The following WFDC1 variants were observed in gnomAD, a reference collection of about 807,000 sequenced individuals.
WFDC1 encodes the protein WAP four-disulfide core domain 1, also known as WAP four-disulfide core domain protein 1.
Under a neutral mutation model 32.9 loss-of-function variants are expected in WFDC1, and 39 were observed. The ratio of observed to expected loss-of-function variants is 1.19; its 90% CI spans 0.92 to 1.55. WFDC1 has a LOEUF of 1.55. WFDC1 is among the 40% of genes most tolerant of loss of function. The probability of loss-of-function intolerance (pLI) is 0.00; values close to 1 mark genes in which losing one functional copy is unlikely to be tolerated. For synonymous variants in WFDC1, 184 were observed against 137.4 expected, an observed-to-expected ratio of 1.34 and a Z score of -2.37; for missense variants, 386 against 309.5, an observed-to-expected ratio of 1.25 and a Z score of -1.85.
At chr16:84,306,098 C>G (rs1907240570) in intron 1 of WFDC1, among the ~76,000 whole-genome samples, 1 of 151,926 alleles carries the variant, frequency 6.6e-6, no homozygotes, top group African/African-American at 2.4e-5. Context: ...CGTGCTGAGC[C>G]GAGCACACGC....
At chr16:84,317,964 G>C (rs1342744699) in intron 2 of WFDC1, 3 of 300,376 alleles carry the variant, frequency 1.0e-5, no homozygotes, top group Non-Finnish European at 1.3e-5. Context: ...AAGGAAAAGA[G>C]GGAGGGAGAG....
intron 5 of WFDC1, among the ~76,000 whole-genome samples, chr16:84,325,327 C>G (rs139317223): frequency 1.6e-4 from 25 of 152,142 alleles, no homozygotes; most frequent in African/African-American, 5.1e-4. Flanking sequence ...GTCAGCCTCC[C>G]AAATAGCTGG....
chr16:84,328,882 G>A (rs1198444885), intron 6 of WFDC1: 1 of 152,088 alleles, frequency 6.6e-6, no homozygotes, highest in Non-Finnish European at 1.5e-5. Context: ...AGCCTAGGGA[G>A]GTTAAGGCTG....
chr16:84,321,468 G>A (rs187831767), intron 4 of WFDC1, among the ~76,000 whole-genome samples: 4 of 152,314 alleles, frequency 2.6e-5, no homozygotes, highest in Admixed American at 2.6e-4. Flanking sequence ...CGAGTTGTGA[G>A]TTCGTTGGGC....
At chr16:84,302,562 C>T (rs12927466) in intron 1 of WFDC1, among the ~76,000 whole-genome samples, 36,817 of 151,928 alleles carry the variant, frequency 0.24, 5,395 homozygotes, top group Non-Finnish European at 0.32. Flanking sequence ...CCATCTCCTC[C>T]GAGGCCTCTC....
intron 1 of WFDC1, among the ~76,000 whole-genome samples, chr16:84,297,641 A>AT (rs1555543157): frequency 2.3e-5 from 3 of 129,282 alleles, no homozygotes; most frequent in Non-Finnish European, 4.9e-5. Flanking sequence ...AAAAAAAAAA[A>AT]AAAAAACTGT....
chr16:84,313,059 G>T lies in WFDC1; in HGVS notation c.243G>T (p.Ala81=), dbSNP rs1383105507. 1.4e-6 allele frequency: 2 copies of T among 1,396,414 alleles called. No homozygotes were observed. Among genetic ancestry groups the T allele is most frequent in the African/African-American group, 1.5e-5 (1 of 66,022 alleles). The allele number at this position is 1,396,414 out of a possible 1,614,324, so 86.5% of individuals were successfully genotyped here. A position where few individuals can be genotyped will look rare whatever the true frequency, so the allele number is the denominator to read the frequency against. ...RTLPPGACQA[A]RCQADSECPR... ...TGCCCCCCGGCGCCTGCCAGGCCGC[G>T]CGCTGTCAGGCGGACTCCGAGTGCC... is the stretch of plus-strand genomic sequence containing the variant. The change falls in exon 2 of 7, where the codon GCG becomes GCT. Residue 81 remains alanine, a synonymous_variant. Coordinates refer to ENST00000219454, the MANE Select transcript of WFDC1 (RefSeq NM_021197.4).
At chr16:84,324,326 GA>G (rs1486462916) in intron 4 of WFDC1, 92 bp from the exon 5 acceptor site, 1 of 1,234,218 alleles carries the variant, frequency 8.1e-7, no homozygotes, top group African/African-American at 1.5e-5. Context: ...TGGGGAGACT[GA>G]AAAACACAAG....
chr16:84,326,860 C>A, intron 5 of WFDC1, 22 bp from the exon 6 acceptor site: 1 of 1,613,986 alleles, frequency 6.2e-7, no homozygotes, highest in Non-Finnish European at 8.5e-7. Flanking sequence ...TCTACCCCAA[C>A]AGAGCTGTGT....
chr16:84,308,708 C>T (rs1290167319), intron 1 of WFDC1, among the ~76,000 whole-genome samples: 1 of 151,936 alleles, frequency 6.6e-6, no homozygotes, highest in East Asian at 1.9e-4. Context: ...GGTGTAGATG[C>T]CATCCTGAGT....
At chr16:84,300,801 C>G (rs1459229862) in intron 1 of WFDC1, among the ~76,000 whole-genome samples, 9 of 152,102 alleles carry the variant, frequency 5.9e-5, no homozygotes, top group Non-Finnish European at 1.0e-4. Flanking sequence ...GAAACCCTGT[C>G]TCTACTAAAA....
At chr16:84,324,334 C>A in intron 4 of WFDC1, 85 bp from the exon 5 acceptor site, 2 of 1,277,790 alleles carry the variant, frequency 1.6e-6, no homozygotes, top group East Asian at 2.3e-5. Flanking sequence ...CTGAAAAACA[C>A]AAGTAATTCC....
At chr16:84,317,378 A>G (rs553033051) in intron 2 of WFDC1, 1 of 151,996 alleles carries the variant, frequency 6.6e-6, no homozygotes, top group East Asian at 1.9e-4. Flanking sequence ...TTACAGTAAG[A>G]AAAAAAATAA....
At chr16:84,316,148 C>A (rs1375450599) in intron 2 of WFDC1, 1 of 152,190 alleles carries the variant, frequency 6.6e-6, no homozygotes, top group South Asian at 2.1e-4. Flanking sequence ...AGGGAAGAAC[C>A]GAAAGGTTGC....
intron 5 of WFDC1, chr16:84,326,327 T>A (rs1030744660): frequency 2.6e-5 from 4 of 153,346 alleles, no homozygotes; most frequent in Non-Finnish European, 4.4e-5. Flanking sequence ...GTATTACTCA[T>A]CAGTCTGTGC....
intron 4 of WFDC1, among the ~76,000 whole-genome samples, chr16:84,322,129 C>G (rs1908333315): frequency 6.9e-6 from 1 of 144,364 alleles, no homozygotes; most frequent in Non-Finnish European, 1.6e-5. Flanking sequence ...CCAAGACTGT[C>G]CACCAGCCTC....
At chr16:84,328,756 C>G (rs1291404136) in intron 6 of WFDC1, 1 of 151,136 alleles carries the variant, frequency 6.6e-6, no homozygotes, top group African/African-American at 2.4e-5. Flanking sequence ...CCCAGCCTGG[C>G]CTGGCCAACA....
intron 3 of WFDC1, 145 bp from the exon 4 acceptor site, chr16:84,319,286 G>T: frequency 8.9e-7 from 1 of 1,124,478 alleles, no homozygotes; most frequent in East Asian, 2.5e-5. Flanking sequence ...GGCCTAGCCT[G>T]GAACCTGGGG....
chr16:84,299,251 C>T (rs1036461083), intron 1 of WFDC1, among the ~76,000 whole-genome samples: 3 of 152,068 alleles, frequency 2.0e-5, no homozygotes, highest in African/African-American at 7.2e-5. Context: ...GTAATCCCAG[C>T]TACTCGGGAG....
Sources: allele counts gnomAD v4.1 joint callset (sites outside exome capture counted in the v4.1 genomes callset), GRCh38; gene constraint gnomAD v4.1.1; transcripts MANE v1.5; gene names NCBI Gene and HGNC (gene_info 2026-07-23, HGNC 2026-07-21).